The following ARHGAP4 variants were observed in gnomAD, a reference collection of about 807,000 sequenced individuals.
ARHGAP4 encodes the protein Rho GTPase activating protein 4.
Under a neutral mutation model 67.6 loss-of-function variants are expected in ARHGAP4, and 25 were observed. That is an observed-to-expected ratio of 0.37 (90% CI 0.27 to 0.52). The LOEUF (loss-of-function observed/expected upper bound fraction) is 0.52, where lower values mean the gene tolerates loss of function less well. Ranked by LOEUF, ARHGAP4 falls within the 20% of genes least tolerant of loss-of-function variation. The pLI is 0.92. For synonymous variants in ARHGAP4, 448 were observed against 373.7 expected (o/e 1.20, Z -2.29); for missense variants, 804 against 854.6 (o/e 0.94, Z 0.74).
intron 7 of ARHGAP4, among the ~76,000 whole-genome samples, chrX:153,918,113 C>T (rs1438043477): frequency 8.8e-6 from 1 of 113,000 alleles, no homozygotes; most frequent in African/African-American, 3.2e-5. Context: ...GATCCTAATA[C>T]AGTACATGGC....
intron 5 of ARHGAP4, chrX:153,919,818 G>C: frequency 1.5e-6 from 1 of 664,434 alleles, no homozygotes; most frequent in Non-Finnish European, 2.1e-6. Flanking sequence ...ACAGAGTCTC[G>C]CTCTGTCGCC....
At chrX:153,912,861 C>T (rs1389980361) in intron 11 of ARHGAP4, 59 bp from the exon 12 acceptor site, 2 of 1,115,761 alleles carry the variant, frequency 1.8e-6, no homozygotes, top group African/African-American at 1.8e-5. Flanking sequence ...GGTGCCCCAC[C>T]CCCCAGGCCA....
Position 153,909,428 on chromosome X carries a change from C to T in ARHGAP4, c.2507+15G>A, listed in dbSNP as rs370658465. ...AGCACACGTGTGGCCCCCTGAGCCCCGTCTTCTTGCTCACCGGTGGACCAG... is the reference window on the plus strand; with the variant it reads ...AGCACACGTGTGGCCCCCTGAGCCCTGTCTTCTTGCTCACCGGTGGACCAG... On this transcript the variant is annotated intron_variant, in intron 20 of 21. Coordinates refer to ENST00000350060, the MANE Select transcript of ARHGAP4 (RefSeq NM_001666.5). The T allele has an allele frequency of 9.1e-5, 107 of 1,180,272 alleles. 2 individuals are homozygous for T. The highest frequency in any genetic ancestry group is 4.8e-4 in the South Asian group (25 of 52,251).
chrX:153,907,652 A>G lies in ARHGAP4; in HGVS notation c.*77T>C. ...CCCTGCACTTGCTGGACAGGGCTGGAGAGAAGCAAGGGGGCTGGGGAGAGT... is the reference window on the plus strand; with the variant it reads ...CCCTGCACTTGCTGGACAGGGCTGGGGAGAAGCAAGGGGGCTGGGGAGAGT... On this transcript the variant is annotated 3_prime_UTR_variant, in exon 22 of 22. Coordinates refer to ENST00000350060, the MANE Select transcript of ARHGAP4 (RefSeq NM_001666.5). The G allele has an allele frequency of 2.1e-6, 1 of 479,772 alleles. No individual in the cohort carries two copies. Among genetic ancestry groups the G allele is most frequent in the East Asian group, 4.0e-5 (1 of 24,784 alleles). 39.5% of individuals were successfully genotyped at this position (479,772 alleles called of 1,213,427 possible).
chrX:153,909,693 A>G, intron 19 of ARHGAP4, 48 bp downstream of exon 19: 1 of 1,138,476 alleles, frequency 8.8e-7, no homozygotes, highest in Admixed American at 2.7e-5. Flanking sequence ...GGGGTGGATG[A>G]AGGGGAGACT....
At position 153,910,359 on chromosome X, in the gene ARHGAP4, C is replaced by T. The variant is rs144269054; in HGVS notation, c.1968G>A (p.Leu656=). 2.0e-5 allele frequency: 24 copies of T among 1,203,914 alleles called. No individual in the cohort carries two copies. Among genetic ancestry groups the T allele is most frequent in the African/African-American group, 7.0e-5 (4 of 57,221 alleles). ...GCAGCGTGGGCCCGAAGCACACGGC[C>T]AGGTTGTAGGGGTCCATCATGTTCT... The part of the protein sequence containing the change: ...SDENMMDPYN[L]AVCFGPTLLP... Residue 656 remains leucine, a synonymous_variant, in exon 17 of 22, where the codon CTG becomes CTA. Transcript: ENST00000350060.
At chrX:153,916,527 C>T (rs1557104280) in intron 7 of ARHGAP4, among the ~76,000 whole-genome samples, 1 of 113,115 alleles carries the variant, frequency 8.8e-6, no homozygotes, top group Non-Finnish European at 1.9e-5. Context: ...CCCTCTCACC[C>T]CCTCTCCTCC....
chrX:153,910,719 G>A lies in ARHGAP4; in HGVS notation c.1797C>T (p.Gly599=), dbSNP rs782341863. 18 of 1,192,858 alleles carry A rather than the reference G, an allele frequency of 1.5e-5. No homozygotes were observed. Among genetic ancestry groups the A allele is most frequent in the South Asian group, 9.2e-5 (5 of 54,454 alleles). ...CCTCACCCGAAGAAGCCAGCAGCTC[G>A]CCGAACAGGTCTGGGGGGAAGAGTG... ...EPPLFPPDLF[G]ELLASSELEA... The change falls in exon 15 of 22, where the codon GGC becomes GGT. Residue 599 remains glycine, a synonymous_variant. Transcript: ENST00000350060.
chrX:153,919,116 C>A lies in ARHGAP4; in HGVS notation c.810+39G>T, dbSNP rs782305306. 4 of 1,209,510 alleles carry A rather than the reference C, an allele frequency of 3.3e-6. No homozygotes were observed. The East Asian group carries it at 1.2e-4, about 36-fold the overall frequency. On this transcript the variant is annotated intron_variant, in intron 6 of 21. Coordinates refer to ENST00000350060, the MANE Select transcript of ARHGAP4 (RefSeq NM_001666.5). Reference sequence around the variant, plus strand: ...GAGCCACAGCTTCCCAGCCCCGAGGCACCAGGCACCTTTTCCCACCTGCCC... The same window carrying A: ...GAGCCACAGCTTCCCAGCCCCGAGGAACCAGGCACCTTTTCCCACCTGCCC...
At position 153,909,841 on chromosome X, in the gene ARHGAP4, C is replaced by G. The variant is rs2070099; in HGVS notation, c.2314G>C (p.Val772Leu). Residue 772 changes from valine (V) to leucine (L), a missense_variant, in exon 19 of 22, where the codon GTA (valine) becomes CTA (leucine). Val to Leu is a conservative substitution (Grantham distance 32). This residue lies in a region of ARHGAP4 where 400 missense variants were observed against 348.7 expected (regional missense o/e 1.15). Coordinates refer to ENST00000350060, the MANE Select transcript of ARHGAP4 (RefSeq NM_001666.5). The stretch of plus-strand genomic sequence containing the variant: ...GAGGCCCTCTCGTGCAGCCGCAGTA[C>G]GTCCCCCCGCCGGAAGCTCAGCTCC... ...AQELSFRRGD[V>L]LRLHERASSD... 18 of 1,199,638 alleles carry G rather than the reference C, an allele frequency of 1.5e-5. No individual in the cohort carries two copies. Among genetic ancestry groups the G allele is most frequent in the Middle Eastern group, 2.4e-4 (1 of 4,220 alleles).
At chrX:153,912,996 A>G in intron 11 of ARHGAP4, 28 bp downstream of exon 11, 1 of 1,079,246 alleles carries the variant, frequency 9.3e-7, no homozygotes, top group Non-Finnish European at 1.2e-6. Context: ...GGACCGTCGC[A>G]GGGCCCCAGC....
Position 153,909,454 on chromosome X carries a change from C to G in ARHGAP4, c.2496G>C (p.Glu832Asp), listed in dbSNP as rs1448544591. The change falls in exon 20 of 22, where the codon GAG becomes GAC. Residue 832 changes from glutamate (E) to aspartate (D), a missense_variant. By Grantham distance (45) the Glu-to-Asp change is conservative. Transcript: ENST00000350060. ...GTCTTCTTGCTCACCGGTGGACCAG[C>G]TCCGATGCCAGGAGGCCCTCGGGAC... Reference protein sequence around the residue: ...GSSPEGLLASELVHRPEPCTS... With the variant: ...GSSPEGLLASDLVHRPEPCTS... 4.2e-6 allele frequency: 5 copies of G among 1,202,909 alleles called. No individual in the cohort carries two copies. In the African/African-American group the frequency reaches 8.6e-5, roughly 21 times the overall value.
At chrX:153,922,446 C>T (rs1190274795) in intron 1 of ARHGAP4, 45 of 747,635 alleles carry the variant, frequency 6.0e-5, no homozygotes, top group Non-Finnish European at 7.1e-5. Flanking sequence ...GACCCCACTT[C>T]CCACTCCCAA....
At chrX:153,918,044 G>A (rs782291217) in intron 7 of ARHGAP4, among the ~76,000 whole-genome samples, 2 of 112,642 alleles carry the variant, frequency 1.8e-5, no homozygotes, top group Admixed American at 9.4e-5. Context: ...CAGCATTCCT[G>A]AGGCAAGAGA....
chrX:153,914,117 G>A (rs782628854), intron 7 of ARHGAP4: 11 of 407,225 alleles, frequency 2.7e-5, no homozygotes, highest in Non-Finnish European at 4.3e-5. Context: ...AACTCAGCGC[G>A]GTCTACCCAC....
At position 153,921,813 on chromosome X, in the gene ARHGAP4, T is replaced by A; in HGVS notation, c.68-4A>T. On this transcript the variant is annotated splice_polypyrimidine_tract_variant and splice_region_variant and intron_variant, in intron 1 of 21. Coordinates refer to ENST00000350060, the MANE Select transcript of ARHGAP4 (RefSeq NM_001666.5). ...TCGCTCAGCTGCCAGCGCATCTCTG[T>A]GGGGGGAACCATGGCTCAGGCCTGG... The A allele has an allele frequency of 1.7e-6, 2 of 1,182,011 alleles. No homozygotes were observed. Among genetic ancestry groups the A allele is most frequent in the East Asian group, 6.2e-5 (2 of 32,368 alleles).
chrX:153,914,872 T>C (rs1041049606), intron 7 of ARHGAP4, among the ~76,000 whole-genome samples: 3 of 111,221 alleles, frequency 2.7e-5, no homozygotes, highest in Non-Finnish European at 5.7e-5. Flanking sequence ...ATGGGCAGAG[T>C]GGGAGCCAAC....
chrX:153,919,076 C>A (rs2065074360), intron 6 of ARHGAP4, 23 bp from the exon 7 acceptor site: 1 of 1,208,043 alleles, frequency 8.3e-7, no homozygotes, highest in African/African-American at 1.8e-5. Flanking sequence ...CAAGGAGATG[C>A]TTGGGTAGGT....
At chrX:153,923,968 G>A (rs1175102798) in intron 1 of ARHGAP4, among the ~76,000 whole-genome samples, 6 of 111,349 alleles carry the variant, frequency 5.4e-5, no homozygotes, top group African/African-American at 2.0e-4. Context: ...AGTAGAGACA[G>A]GGTTTCATCA....
Sources: gnomAD v4.1 joint callset for allele counts (sites outside exome capture counted in the v4.1 genomes callset) on GRCh38, gnomAD v4.1.1 for gene constraint, gnomAD v4.1.1 regional missense constraint, MANE v1.5 for transcripts, NCBI Gene and HGNC (gene_info 2026-07-23, HGNC 2026-07-21) for gene names.